DAB1: variants seen among roughly 807,000 people sequenced by gnomAD.
DAB1 encodes disabled homolog 1.
In DAB1, 15 loss-of-function variants were observed where a neutral mutation model predicts 64.6. The ratio of observed to expected loss-of-function variants is 0.23; its 90% CI spans 0.16 to 0.36. The LOEUF (loss-of-function observed/expected upper bound fraction) is 0.36, where lower values mean the gene tolerates loss of function less well. Among genes scored for constraint, DAB1 ranks in the 10% least tolerant of loss-of-function variants. The probability of loss-of-function intolerance (pLI) is 1.00; values close to 1 mark genes in which losing one functional copy is unlikely to be tolerated. For missense variants in DAB1, 596 were observed against 706.7 expected, an observed-to-expected ratio of 0.84 and a Z score of 1.78; for synonymous variants, 235 against 251.9, an observed-to-expected ratio of 0.93 and a Z score of 0.64.
rs535378382 is a variant in DAB1 at position 57,163,266 on chromosome 1, A to C, written c.68-17837T>G. ...GGGGATAAAATAGTCTGATGAAACA[A>C]GGAGTGACTGGGAAAGGGTGGGGAA... On this transcript the variant is annotated intron_variant, in intron 2 of 14. Transcript: ENST00000371236. Among the ~76,000 whole-genome samples, 4 of 152,326 alleles carry C rather than the reference A, an allele frequency of 2.6e-5. No individual in the cohort carries two copies. The South Asian group carries it at 8.3e-4, about 32-fold the overall frequency.
intron 2 of DAB1, among the ~76,000 whole-genome samples, chr1:57,272,301 A>G (rs1048674464): frequency 6.6e-6 from 1 of 152,230 alleles, no homozygotes; most frequent in African/African-American, 2.4e-5. Flanking sequence ...ACTTCTTAAA[A>G]GGCAGGAAAG....
At chr1:57,239,972 G>A (rs1379004727) in intron 2 of DAB1, among the ~76,000 whole-genome samples, 1 of 152,140 alleles carries the variant, frequency 6.6e-6, no homozygotes, top group Non-Finnish European at 1.5e-5. Flanking sequence ...AATCTGACTT[G>A]TCTTTTGACT....
chr1:57,502,444 A>G (rs1315273083), intron 7 of DAB1, among the ~76,000 whole-genome samples: 5 of 152,138 alleles, frequency 3.3e-5, no homozygotes, highest in Non-Finnish European at 7.4e-5. Context: ...GATGTTAGGC[A>G]TATTCCAGTT....
intron 7 of DAB1, among the ~76,000 whole-genome samples, chr1:57,587,557 C>T (rs1220924643): frequency 6.6e-6 from 1 of 152,078 alleles, no homozygotes; most frequent in Non-Finnish European, 1.5e-5. Flanking sequence ...ATTCTCTCAC[C>T]CCCTCAATTG....
chr1:57,777,141 C>CTTTTTTTTTTTTTTTTTT (rs71051255), intron 6 of DAB1, among the ~76,000 whole-genome samples: 1 of 90,392 alleles, frequency 1.1e-5, no homozygotes, highest in African/African-American at 4.5e-5. Context: ...TTCTGAATTT[C>CTTTTTTTTTTTTTTTTTT]TTTTTTTTTT....
chr1:57,370,029 G>A (rs1182955185), intron 1 of DAB1, among the ~76,000 whole-genome samples: 1 of 152,100 alleles, frequency 6.6e-6, no homozygotes, highest in African/African-American at 2.4e-5. Context: ...CATTCTTCCT[G>A]CAATGACCAT....
intron 4 of DAB1, among the ~76,000 whole-genome samples, chr1:58,328,396 C>T (rs1409909635): frequency 6.6e-6 from 1 of 152,242 alleles, no homozygotes; most frequent in Non-Finnish European, 1.5e-5. Context: ...TCCGCACTGT[C>T]CCCTTCCTTT....
At chr1:57,404,183 A>G (rs1179397512) in intron 1 of DAB1, among the ~76,000 whole-genome samples, 1 of 152,262 alleles carries the variant, frequency 6.6e-6, no homozygotes, top group Non-Finnish European at 1.5e-5. Flanking sequence ...TTAAGGAACT[A>G]TAAAAAGGAC....
At chr1:58,250,240 C>T (rs1273801641) in intron 4 of DAB1, among the ~76,000 whole-genome samples, 3 of 152,208 alleles carry the variant, frequency 2.0e-5, no homozygotes, top group Non-Finnish European at 2.9e-5. Context: ...ATTCTCCTAC[C>T]TCCAGCCGCC....
At chr1:57,021,000 A>G (rs1466620406) in intron 11 of DAB1, among the ~76,000 whole-genome samples, 3 of 152,188 alleles carry the variant, frequency 2.0e-5, no homozygotes, top group African/African-American at 7.2e-5. Flanking sequence ...CACTGGCTGG[A>G]CAATTAGTCA....
At chr1:58,360,451 C>T (rs1011583496) in intron 3 of DAB1, among the ~76,000 whole-genome samples, 10 of 152,136 alleles carry the variant, frequency 6.6e-5, no homozygotes, top group East Asian at 5.8e-4. Flanking sequence ...TACATTGATA[C>T]GGATCCCTGA....
At position 57,546,157 on chromosome 1, in the gene DAB1, G is replaced by A. The variant is rs369518737; in HGVS notation, n.625+103435C>T. 5.3e-5 allele frequency among the ~76,000 whole-genome samples: 8 copies of A among 151,564 alleles called. No individual in the cohort carries two copies. In the East Asian group the frequency reaches 1.4e-3, roughly 26 times the overall value. ...GACAGATAATGGGGAGAGAAGAGAA[G>A]GTAATCAGCCCAAGAAGCAGAAGTA... On this transcript the variant is annotated intron_variant and non_coding_transcript_variant, in intron 7 of 20. Coordinates refer to the DAB1 transcript ENST00000485760.
rs1414265910 is a variant in DAB1, at chr1:57,365,005, G to A, written c.-137+58925C>T. ...CATGACATTCTATTTCTTGGCTTGA[G>A]AAATGGGCACTGGGATTTTTATTAT... On this transcript the variant is annotated intron_variant, in intron 1 of 14. Coordinates refer to ENST00000371236, the MANE Select transcript of DAB1 (RefSeq NM_001365792.1). Among the ~76,000 whole-genome samples the A allele has an allele frequency of 3.4e-5, 5 of 148,050 alleles. No individual in the cohort carries two copies. In the East Asian group the frequency reaches 7.8e-4, roughly 23 times the overall value.
At chr1:57,765,911 G>A (rs1427257910) in intron 6 of DAB1, among the ~76,000 whole-genome samples, 2 of 152,076 alleles carry the variant, frequency 1.3e-5, no homozygotes, top group South Asian at 2.1e-4. Context: ...GATTACAGGC[G>A]TGAGCCACTA....
intron 1 of DAB1, among the ~76,000 whole-genome samples, chr1:57,397,776 C>T (rs34349049): frequency 0.015 from 2,242 of 152,318 alleles, 24 homozygotes; most frequent in South Asian, 0.035. Flanking sequence ...CAACTACTTC[C>T]CATCTCCTTC....
chr1:58,267,977 C>T (rs1412730979), intron 4 of DAB1, among the ~76,000 whole-genome samples: 1 of 152,126 alleles, frequency 6.6e-6, no homozygotes, highest in Non-Finnish European at 1.5e-5. Context: ...ATTACTCACA[C>T]TTAACTAGAT....
chr1:58,127,652 G>T (rs1387479911), intron 5 of DAB1, among the ~76,000 whole-genome samples: 1 of 152,162 alleles, frequency 6.6e-6, no homozygotes, highest in Non-Finnish European at 1.5e-5. Flanking sequence ...TGTAAGGAAC[G>T]GATCCAGTTT....
intron 9 of DAB1, chr1:57,033,673 C>T (rs1477078645): frequency 4.2e-5 from 51 of 1,211,062 alleles, no homozygotes; most frequent in African/African-American, 7.5e-5. Context: ...TTCACACTTC[C>T]GTGGTCTCAG....
chr1:58,107,595 T>G (rs935210094), intron 5 of DAB1, among the ~76,000 whole-genome samples: 2 of 151,734 alleles, frequency 1.3e-5, no homozygotes, highest in African/African-American at 2.4e-5. Context: ...AGCTAGCATG[T>G]TTTTTTTCTG....
Sources: gnomAD v4.1 joint callset for allele counts (sites outside exome capture counted in the v4.1 genomes callset) on GRCh38, gnomAD v4.1.1 for gene constraint, MANE v1.5 for transcripts, NCBI Gene and HGNC (gene_info 2026-07-23, HGNC 2026-07-21) for gene names.